PLSCR2: variants seen among roughly 807,000 people sequenced by gnomAD.
The protein encoded by PLSCR2 is PL scramblase 2.
In PLSCR2, 18 loss-of-function variants were observed where a neutral mutation model predicts 25.3. The observed-to-expected ratio is 0.71, with a 90% CI of 0.49 to 1.06. PLSCR2 has a LOEUF of 1.06. Among genes scored for constraint, PLSCR2 ranks in the 50% least tolerant of loss-of-function variants. PLSCR2 has a pLI of 0.00. For synonymous variants in PLSCR2, 88 were observed against 87.3 expected (o/e 1.01, Z -0.04); for missense variants, 243 against 269.5 (o/e 0.90, Z 0.69).
intron 2 of PLSCR2, among the ~76,000 whole-genome samples, chr3:146,401,060 G>A (rs1028982663): frequency 6.6e-6 from 1 of 151,938 alleles, no homozygotes; most frequent in Non-Finnish European, 1.5e-5. Context: ...TAGGAAACAC[G>A]AGGTAGAGTC....
At chr3:146,469,742 T>G (rs2042036030) in intron 1 of PLSCR2, 181 bp from the exon 1 acceptor site, 1 of 234,156 alleles carries the variant, frequency 4.3e-6, no homozygotes, top group Non-Finnish European at 7.0e-6. Flanking sequence ...CCGGCTTTGC[T>G]GCTGGAGCGC....
intron 1 of PLSCR2, among the ~76,000 whole-genome samples, chr3:146,491,473 A>G (rs6769044): frequency 6.6e-6 from 1 of 152,026 alleles, no homozygotes; most frequent in African/African-American, 2.4e-5. Flanking sequence ...CTCTTTCTCC[A>G]TCATTTTCAA....
At chr3:146,422,829 G>C (rs1455138707) in intron 2 of PLSCR2, among the ~76,000 whole-genome samples, 1 of 151,970 alleles carries the variant, frequency 6.6e-6, no homozygotes, top group Non-Finnish European at 1.5e-5. Flanking sequence ...CTTCACTTCA[G>C]TGCATATAAT....
intron 1 of PLSCR2, among the ~76,000 whole-genome samples, chr3:146,478,062 A>G (rs1228676002): frequency 2.0e-5 from 3 of 152,114 alleles, no homozygotes; most frequent in Non-Finnish European, 4.4e-5. Context: ...AATAGCATCA[A>G]CATCAACAAA....
downstream of PLSCR2, among the ~76,000 whole-genome samples, chr3:146,429,909 A>G (rs2039486982): frequency 6.6e-6 from 1 of 152,040 alleles, no homozygotes; most frequent in African/African-American, 2.4e-5. Context: ...ACAGTCAAGG[A>G]TGTTTGACTT....
chr3:146,406,765 A>T (rs866657123), intron 2 of PLSCR2, among the ~76,000 whole-genome samples: 1 of 152,082 alleles, frequency 6.6e-6, no homozygotes, highest in African/African-American at 2.4e-5. Context: ...TGTGAGGATG[A>T]TGGTGTGAGG....
At chr3:146,484,816 G>C (rs796485173) in intron 1 of PLSCR2, among the ~76,000 whole-genome samples, 80 of 152,154 alleles carry the variant, frequency 5.3e-4, no homozygotes, top group African/African-American at 1.9e-3. Context: ...GGAAAAACTG[G>C]TATTAGCTAC....
Position 146,478,031 on chromosome 3 carries a change from G to C in PLSCR2, c.-292-17747C>G, listed in dbSNP as rs575297090. ...AGCTGAGGGACCTGACTGTTAGAAG[G>C]AAAACTAACAAACTGAAAGGAATAG... is the stretch of plus-strand genomic sequence containing the variant. On this transcript the variant is annotated intron_variant, in intron 1 of 8. Transcript: ENST00000336685. Among the ~76,000 whole-genome samples the C allele has an allele frequency of 3.5e-3, 536 of 152,268 alleles. 2 individuals are homozygous for C. Among genetic ancestry groups the C allele is most frequent in the African/African-American group, 0.012 (508 of 41,560 alleles).
chr3:146,492,679 G>T (rs915122657), intron 1 of PLSCR2, among the ~76,000 whole-genome samples: 1 of 151,732 alleles, frequency 6.6e-6, no homozygotes, highest in Non-Finnish European at 1.5e-5. Context: ...TGCCAAACAG[G>T]TACATCAAGA....
At chr3:146,402,500 C>A (rs1281971141) in intron 2 of PLSCR2, among the ~76,000 whole-genome samples, 2 of 151,830 alleles carry the variant, frequency 1.3e-5, no homozygotes, top group African/African-American at 4.8e-5. Context: ...TGGAGTCTCA[C>A]TCTGTTGCCC....
intron 2 of PLSCR2, among the ~76,000 whole-genome samples, chr3:146,416,929 T>G (rs1236102355): frequency 5.3e-5 from 8 of 152,204 alleles, no homozygotes; most frequent in Non-Finnish European, 1.2e-4. Flanking sequence ...ATCTTTATGT[T>G]TCAGAATCAT....
At chr3:146,475,206 G>C (rs746680305) in intron 1 of PLSCR2, among the ~76,000 whole-genome samples, 1 of 151,884 alleles carries the variant, frequency 6.6e-6, no homozygotes, top group East Asian at 1.9e-4. Context: ...CAATCATTTG[G>C]GGGGAGAAGA....
intron 2 of PLSCR2, among the ~76,000 whole-genome samples, chr3:146,412,821 G>A (rs1456650841): frequency 6.6e-6 from 1 of 152,050 alleles, no homozygotes; most frequent in African/African-American, 2.4e-5. Context: ...TTTAAAGAAA[G>A]CAAGGGTACG....
downstream of PLSCR2, among the ~76,000 whole-genome samples, chr3:146,428,867 CAG>C (rs1029375331): frequency 3.3e-5 from 5 of 152,266 alleles, no homozygotes; most frequent in Admixed American, 6.5e-5. Context: ...AGTTGCAAAA[CAG>C]AAATTTAATG....
At chr3:146,401,566 A>G (rs1333763517) in intron 2 of PLSCR2, 1 of 152,590 alleles carries the variant, frequency 6.6e-6, no homozygotes, top group East Asian at 1.9e-4. Context: ...AGGACTAGAG[A>G]ATAAAATAAT....
upstream of PLSCR2, among the ~76,000 whole-genome samples, chr3:146,465,055 G>T (rs2041799955): frequency 6.6e-6 from 1 of 152,142 alleles, no homozygotes; most frequent in Non-Finnish European, 1.5e-5. Context: ...AATCAGGAGA[G>T]AAATGAAAGC....
intron 2 of PLSCR2, among the ~76,000 whole-genome samples, chr3:146,407,391 C>T (rs2038691850): frequency 6.6e-6 from 1 of 152,106 alleles, no homozygotes; most frequent in Non-Finnish European, 1.5e-5. Context: ...GAGAAGATGT[C>T]CACTAGTACT....
At chr3:146,486,950 CA>C (rs1235830312) in intron 1 of PLSCR2, among the ~76,000 whole-genome samples, 1 of 152,104 alleles carries the variant, frequency 6.6e-6, no homozygotes, top group Non-Finnish European at 1.5e-5. Context: ...AGCAGCCCAT[CA>C]AAAAGTTTAT....
intron 1 of PLSCR2, among the ~76,000 whole-genome samples, chr3:146,471,671 A>G (rs764110050): frequency 1.3e-5 from 2 of 151,982 alleles, no homozygotes; most frequent in Non-Finnish European, 2.9e-5. Flanking sequence ...GGTTAAAGAA[A>G]TTCTCTTGCC....
Sources: allele counts gnomAD v4.1 joint callset (sites outside exome capture counted in the v4.1 genomes callset), GRCh38; gene constraint gnomAD v4.1.1; transcripts MANE v1.5; gene names NCBI Gene and HGNC (gene_info 2026-07-23, HGNC 2026-07-21).